Variants in AMZ1 observed in about 807,000 individuals in gnomAD.
AMZ1 encodes the protein archaemetzincin-1.
AMZ1 carries 39 observed loss-of-function variants against 29.9 expected under a neutral mutation model. That is an observed-to-expected ratio of 1.30 (90% CI 1.01 to 1.70). The LOEUF (loss-of-function observed/expected upper bound fraction) is 1.70, where lower values mean the gene tolerates loss of function less well. Among genes scored for constraint, AMZ1 ranks in the 40% most tolerant of loss-of-function variants. The probability of loss-of-function intolerance (pLI) is 0.00; values close to 1 mark genes in which losing one functional copy is unlikely to be tolerated. For synonymous variants in AMZ1, 458 were observed against 304.0 expected (o/e 1.51, Z -5.27); for missense variants, 1,041 against 680.6 (o/e 1.53, Z -5.89).
chr7:2,691,332 C>T lies in AMZ1; in HGVS notation c.-219+3036C>T, dbSNP rs1403549961. ...GGTCTCTGTGCTGGGAGTCAAGATC[C>T]AGGTGAGCTGTGTAACCCTGGGCAA... On this transcript the variant is annotated intron_variant, in intron 1 of 6. Transcript: ENST00000683327. Among the ~76,000 whole-genome samples the T allele has an allele frequency of 2.0e-5, 3 of 147,766 alleles. 1 individual carries two copies. Among genetic ancestry groups the T allele is most frequent in the African/African-American group, 8.0e-5 (3 of 37,614 alleles).
intron 4 of AMZ1, among the ~76,000 whole-genome samples, chr7:2,749,584 C>T (rs549989532): frequency 2.6e-5 from 4 of 151,816 alleles, no homozygotes; most frequent in Non-Finnish European, 5.9e-5. Flanking sequence ...ATGGGTGCAG[C>T]ACACCAACAT....
intron 6 of AMZ1, 125 bp from the exon 7 acceptor site, chr7:2,712,205 C>T: frequency 2.8e-6 from 3 of 1,053,956 alleles, no homozygotes; most frequent in Non-Finnish European, 4.0e-6. Flanking sequence ...ACACCACCAG[C>T]CTGACTCCCG....
chr7:2,697,069 G>T (rs1022395050), intron 1 of AMZ1, among the ~76,000 whole-genome samples: 2 of 152,066 alleles, frequency 1.3e-5, no homozygotes, highest in African/African-American at 2.4e-5. Flanking sequence ...TGTTCATTAC[G>T]GCGTTTTTGG....
rs1402496090 is a variant in AMZ1 at position 2,716,274 on chromosome 7, ATC to A, written c.*3399_*3400del. 6.6e-6 allele frequency: 1 copy of A among 152,092 alleles called. No individual in the cohort carries two copies. The highest frequency in any genetic ancestry group is 1.5e-5 in the Non-Finnish European group (1 of 68,044). The allele number at this position is 152,092 out of a possible 1,614,324, so 9.4% of individuals were successfully genotyped here. ...GGCAGCCCCGCAGTCCTCTTCCGAA[ATC>A]TCATTCTTTTCCCTCTCTTCCTCCC... On this transcript the variant is annotated 3_prime_UTR_variant, in exon 7 of 7. Coordinates refer to ENST00000683327, the MANE Select transcript of AMZ1 (RefSeq NM_001384743.1).
At chr7:2,762,825 A>C, upstream of AMZ1, 1 of 1,516,892 alleles carries the variant, frequency 6.6e-7, no homozygotes, top group East Asian at 2.6e-5. Context: ...CATCCGCCAC[A>C]CACCCAGTCA....
chr7:2,722,082 G>A (rs955098574), downstream of AMZ1, among the ~76,000 whole-genome samples: 1 of 152,130 alleles, frequency 6.6e-6, no homozygotes, highest in Non-Finnish European at 1.5e-5. Context: ...GCTAAAGCCA[G>A]AAGGCCGTCC....
At chr7:2,749,518 G>C (rs1366240017) in intron 4 of AMZ1, among the ~76,000 whole-genome samples, 2 of 150,888 alleles carry the variant, frequency 1.3e-5, no homozygotes, top group Non-Finnish European at 3.0e-5. Context: ...TTGTGGGGTA[G>C]GGGGAGGGGG....
chr7:2,725,608 T>C (rs913731954), intron 4 of AMZ1, among the ~76,000 whole-genome samples: 1 of 152,184 alleles, frequency 6.6e-6, no homozygotes, highest in Non-Finnish European at 1.5e-5. Flanking sequence ...AGACAGGCCA[T>C]GAACCTGGGA....
In AMZ1 at chr7:2,702,822, G is replaced by T. The variant is rs767090521; in HGVS notation, c.405G>T (p.Val135=). 17 of 1,561,758 alleles carry T rather than the reference G, an allele frequency of 1.1e-5. No homozygotes were observed. In the East Asian group the frequency reaches 4.0e-4, roughly 37 times the overall value. The change falls in exon 3 of 7, where the codon GTG becomes GTT. Residue 135 remains valine (V), a synonymous_variant. Transcript: ENST00000683327. ...LGLRVKCLPS[V]AAASIRCSSR... ...TGCGCGTCAAGTGCCTGCCGTCGGT[G>T]GCAGCCGCGTCCATCCGCTGCTCCT...
chr7:2,741,318 G>A (rs972917243), intron 4 of AMZ1, among the ~76,000 whole-genome samples: 3 of 152,086 alleles, frequency 2.0e-5, no homozygotes, highest in African/African-American at 7.2e-5. Context: ...TTGCGCCACT[G>A]CACTCAGGCC....
intron 1 of AMZ1, among the ~76,000 whole-genome samples, chr7:2,689,541 C>T (rs541190398): frequency 1.1e-4 from 16 of 152,338 alleles, no homozygotes; most frequent in African/African-American, 1.9e-4. Context: ...AACATCCCTG[C>T]TCCAGGAGCA....
intron 4 of AMZ1, among the ~76,000 whole-genome samples, chr7:2,732,728 C>T (rs1010599540): frequency 1.3e-5 from 2 of 152,150 alleles, no homozygotes; most frequent in Non-Finnish European, 2.9e-5. Flanking sequence ...AATAACACTG[C>T]AGGGGTGGAA....
At chr7:2,720,432 G>T (rs1035086168), downstream of AMZ1, among the ~76,000 whole-genome samples, 4 of 152,082 alleles carry the variant, frequency 2.6e-5, no homozygotes, top group African/African-American at 9.7e-5. Flanking sequence ...TATTGAGACA[G>T]AGTCTGTGTT....
downstream of AMZ1, among the ~76,000 whole-genome samples, chr7:2,723,761 T>C (rs1486944853): frequency 6.6e-6 from 1 of 152,164 alleles, no homozygotes; most frequent in Non-Finnish European, 1.5e-5. Flanking sequence ...GCAACCCTGT[T>C]CTCAGAGACT....
intron 4 of AMZ1, among the ~76,000 whole-genome samples, chr7:2,745,613 A>G (rs1231446309): frequency 6.6e-6 from 1 of 152,218 alleles, no homozygotes; most frequent in Non-Finnish European, 1.5e-5. Flanking sequence ...TGCATCAACT[A>G]ACGAGCAAAA....
chr7:2,684,866 T>C (rs1301376118), upstream of AMZ1, among the ~76,000 whole-genome samples: 3 of 147,596 alleles, frequency 2.0e-5, no homozygotes, highest in Non-Finnish European at 1.5e-5. Context: ...GCTTGACACA[T>C]AATTGCTTTT....
chr7:2,720,327 C>T (rs184533788), downstream of AMZ1, among the ~76,000 whole-genome samples: 2 of 152,316 alleles, frequency 1.3e-5, no homozygotes, highest in Non-Finnish European at 2.9e-5. Flanking sequence ...CTCCCCACGT[C>T]AGGGTGAACA....
At position 2,712,393 on chromosome 7, in the gene AMZ1, T is replaced by G; in HGVS notation, c.1012T>G (p.Ser338Ala). 1 of 1,610,430 alleles carries G rather than the reference T, an allele frequency of 6.2e-7. No homozygotes were observed. The highest frequency in any genetic ancestry group is 1.1e-5 in the South Asian group (1 of 90,768). Residue 338 changes from serine (S) to alanine (A), a missense_variant, in exon 7 of 7, where the codon TCA becomes GCA. Physicochemically the swap from Ser to Ala is moderately conservative, Grantham distance 99. Coordinates refer to ENST00000683327, the MANE Select transcript of AMZ1 (RefSeq NM_001384743.1). ...GCCCAGCCAGGAGGCGGGGGAGCCGTCAGTGTGGGAGGACACCCCGCCTGC... is the reference window on the plus strand; with the variant it reads ...GCCCAGCCAGGAGGCGGGGGAGCCGGCAGTGTGGGAGGACACCCCGCCTGC... ...TWPSQEAGEP[S>A]VWEDTPPASA...
chr7:2,760,772 G>A (rs2115395030), upstream of AMZ1, among the ~76,000 whole-genome samples: 1 of 152,312 alleles, frequency 6.6e-6, no homozygotes, highest in South Asian at 2.1e-4. Flanking sequence ...GGACAGCGTC[G>A]AGCTCCCTAC....
Sources: allele counts gnomAD v4.1 joint callset (sites outside exome capture counted in the v4.1 genomes callset), GRCh38; gene constraint gnomAD v4.1.1; transcripts MANE v1.5; gene names NCBI Gene and HGNC (gene_info 2026-07-23, HGNC 2026-07-21).